FLCN: variants seen among roughly 807,000 people sequenced by gnomAD.
FLCN encodes the protein BHD skin lesion fibrofolliculoma protein.
A neutral mutation model predicts 62.5 loss-of-function variants in FLCN; 22 were observed. That is an observed-to-expected ratio of 0.35 (90% CI 0.25 to 0.50). The LOEUF is 0.50. Ranked by LOEUF, FLCN falls within the 20% of genes least tolerant of loss-of-function variation. The pLI is 0.97. For missense variants in FLCN, 657 were observed against 778.0 expected (o/e 0.84, Z 1.85); for synonymous variants, 319 against 310.0 (o/e 1.03, Z -0.30).
intron 5 of FLCN, 134 bp from the exon 6 acceptor site, chr17:17,224,277 G>C (rs548645669): frequency 2.5e-6 from 2 of 801,932 alleles, no homozygotes; most frequent in East Asian, 5.3e-5. Flanking sequence ...GGCACAGTGG[G>C]GGCCATGAGA....
In FLCN at chr17:17,213,512, C is replaced by T. The variant is rs934434916; in HGVS notation, c.*143G>A. ...ACACAGGCCCCAAACCTGACAGGGC[C>T]GAGCCCAGCCCTGATGGTTTCCCTT... On this transcript the variant is annotated 3_prime_UTR_variant, in exon 14 of 14. Transcript: ENST00000285071. 6.5e-5 allele frequency: 75 copies of T among 1,146,836 alleles called. No individual in the cohort carries two copies. The highest frequency in any genetic ancestry group is 8.7e-5 in the Non-Finnish European group (68 of 783,726). 71.0% of individuals were successfully genotyped at this position (1,146,836 alleles called of 1,614,324 possible). A position where few individuals can be genotyped will look rare whatever the true frequency, so the allele number is the denominator to read the frequency against.
chr17:17,226,399 A>G, intron 4 of FLCN, 77 bp from the exon 5 acceptor site: 1 of 1,570,846 alleles, frequency 6.4e-7, no homozygotes, highest in Non-Finnish European at 8.7e-7. Flanking sequence ...TGCAAATCTG[A>G]GCTCGGAAAA....
chr17:17,222,812 C>T, intron 6 of FLCN, 151 bp from the exon 7 acceptor site: 2 of 834,248 alleles, frequency 2.4e-6, no homozygotes, highest in Non-Finnish European at 4.0e-6. Context: ...TGCCACCAGT[C>T]CAATCATTCC....
At chr17:17,224,326 C>T (rs2144986306) in intron 5 of FLCN, 183 bp from the exon 6 acceptor site, 1 of 633,370 alleles carries the variant, frequency 1.6e-6, no homozygotes, top group Admixed American at 2.5e-5. Flanking sequence ...GATCAAGCTT[C>T]CAACAACACT....
Position 17,213,651 on chromosome 17 carries a change from C to T in FLCN, c.*4G>A, listed in dbSNP as rs770795599. ...CCTGTCTTTAGGCAGGTGTGTGTGA[C>T]GGGTCAGTTCCGAGACTCCGAGGCT... On this transcript the variant is annotated 3_prime_UTR_variant, in exon 14 of 14. Transcript: ENST00000285071. 27 of 1,613,962 alleles carry T rather than the reference C, an allele frequency of 1.7e-5. No individual in the cohort carries two copies. The highest frequency in any genetic ancestry group is 1.2e-4 in the African/African-American group (9 of 74,894).
At chr17:17,217,960 A>C (rs2046974598) in intron 9 of FLCN, among the ~76,000 whole-genome samples, 1 of 152,158 alleles carries the variant, frequency 6.6e-6, no homozygotes, top group South Asian at 2.1e-4. Flanking sequence ...CATCAACATA[A>C]GCAACGGACA....
At position 17,216,655 on chromosome 17, in the gene FLCN, G is replaced by T. The variant is rs1489408362; in HGVS notation, c.1177-152C>A. 1 of 1,230,282 alleles carries T rather than the reference G, an allele frequency of 8.1e-7. No individual in the cohort carries two copies. Among genetic ancestry groups the T allele is most frequent in the Non-Finnish European group, 1.1e-6 (1 of 881,900 alleles). The allele number at this position is 1,230,282 out of a possible 1,614,324, so 76.2% of individuals were successfully genotyped here. A position where few individuals can be genotyped will look rare whatever the true frequency, so the allele number is the denominator to read the frequency against. ...AGTCCCCAGACTCTCAGCCCACAGT[G>T]GGGGTGAGGGGGGAGGGTCCTCCAC... On this transcript the variant is annotated intron_variant, in intron 10 of 13. Transcript: ENST00000285071. This position sits in a 1 kb window ranked among gnomAD's most constrained non-coding sequence, Gnocchi z 4.0.
intron 8 of FLCN, chr17:17,221,016 G>T (rs1442131846): frequency 7.7e-6 from 4 of 518,184 alleles, no homozygotes; most frequent in Non-Finnish European, 1.3e-5. Flanking sequence ...CTGATGGAAA[G>T]CTTGGCCAAG....
rs762000729 is a variant in FLCN at position 17,226,228 on chromosome 17, GGGTGGCTGGGGTGCT to G, written c.329_343del (p.Gln110_His114del). 2 of 1,614,142 alleles carry G rather than the reference GGGTGGCTGGGGTGCT, an allele frequency of 1.2e-6. No homozygotes were observed. Among genetic ancestry groups the G allele is most frequent in the South Asian group, 1.1e-5 (1 of 91,088 alleles). ...CTGGCGGACAATGCTGAAGAGCTGG[GGGTGGCTGGGGTGCT>G]GGTGGCTGACGTATTTAATGGAGGT... On this transcript the variant is annotated inframe_deletion, in exon 5 of 14. Coordinates refer to ENST00000285071, the MANE Select transcript of FLCN (RefSeq NM_144997.7).
chr17:17,223,548 G>C (rs894434937), intron 6 of FLCN, among the ~76,000 whole-genome samples: 2 of 152,244 alleles, frequency 1.3e-5, no homozygotes, highest in African/African-American at 4.8e-5. Context: ...GCACGACCTG[G>C]CCTGGCCTGG....
rs766401197 is a variant in FLCN, at chr17:17,223,929, G to A, written c.611C>T (p.Ala204Val). Residue 204 changes from alanine (A) to valine (V), a missense_variant, in exon 6 of 14, where the codon GCG becomes GTG. Ala to Val is a moderately conservative substitution (Grantham distance 64, BLOSUM62 0). Transcript: ENST00000285071. ...CCTCATCTCTGAATTCACCTTGAGC[G>A]CCTTGCCCTGGAGCTCATCGATGAT... Reference protein sequence around the residue: ...RGIIDELQGKALKVFEAEQFG... With the variant: ...RGIIDELQGKVLKVFEAEQFG... 2.7e-5 allele frequency: 43 copies of A among 1,613,314 alleles called. No homozygotes were observed. Among genetic ancestry groups the A allele is most frequent in the Admixed American group, 6.7e-5 (4 of 60,032 alleles).
chr17:17,228,203 G>A (rs1295645088), intron 3 of FLCN, 42 bp from the exon 4 acceptor site: 3 of 1,584,484 alleles, frequency 1.9e-6, no homozygotes, highest in Admixed American at 1.7e-5. Context: ...AATGCCTATT[G>A]ACTCCATGAA....
At chr17:17,230,478 C>T (rs968660132) in intron 3 of FLCN, among the ~76,000 whole-genome samples, 2 of 151,448 alleles carry the variant, frequency 1.3e-5, no homozygotes, top group African/African-American at 2.4e-5. Context: ...TGCAGTGAGC[C>T]GAGATCGCAC....
chr17:17,221,452 A>G (rs1320888594), intron 8 of FLCN, 85 bp downstream of exon 8: 3 of 1,613,946 alleles, frequency 1.9e-6, no homozygotes, highest in Admixed American at 3.3e-5. Flanking sequence ...TCCCTCCCTC[A>G]GCGATTCCTG....
chr17:17,227,746 G>T (rs2047295302), intron 4 of FLCN, 143 bp downstream of exon 4: 4 of 1,179,488 alleles, frequency 3.4e-6, no homozygotes, highest in African/African-American at 1.5e-5. Flanking sequence ...AAAAGCTACA[G>T]TCAGGATGAG....
At chr17:17,228,327 C>G (rs529727139) in intron 3 of FLCN, 166 bp from the exon 4 acceptor site, 8 of 752,370 alleles carry the variant, frequency 1.1e-5, no homozygotes, top group Non-Finnish European at 1.7e-5. Context: ...TGCCCCAGTG[C>G]GAGAGGAACA....
At chr17:17,223,768 C>G (rs565794826) in intron 6 of FLCN, among the ~76,000 whole-genome samples, 154 bp downstream of exon 6, 1 of 152,360 alleles carries the variant, frequency 6.6e-6, no homozygotes, top group African/African-American at 2.4e-5. Context: ...CTCACGACCT[C>G]CAGCTCTGAA....
intron 13 of FLCN, 129 bp downstream of exon 13, chr17:17,214,856 G>T: frequency 2.0e-6 from 2 of 993,806 alleles, no homozygotes; most frequent in Non-Finnish European, 3.1e-6. Context: ...ACGTGGAGTT[G>T]GAACCCCGCC....
Position 17,212,933 on chromosome 17 carries a change from G to C in FLCN, c.*722C>G, listed in dbSNP as rs937098560. The C allele has an allele frequency of 2.1e-5, 5 of 234,818 alleles. No individual in the cohort carries two copies. Among genetic ancestry groups the C allele is most frequent in the Non-Finnish European group, 3.4e-5 (4 of 119,144 alleles). 14.5% of individuals were successfully genotyped at this position (234,818 alleles called of 1,614,324 possible). On this transcript the variant is annotated 3_prime_UTR_variant, in exon 14 of 14. Coordinates refer to ENST00000285071, the MANE Select transcript of FLCN (RefSeq NM_144997.7). ...AGCATGGCGGGGCTCACCATATCCA[G>C]GGGATTGGGCAAGTCAGATGCTTGC...
Sources: gnomAD v4.1 joint callset for allele counts (sites outside exome capture counted in the v4.1 genomes callset) on GRCh38, gnomAD v4.1.1 for gene constraint, Gnocchi (gnomAD v3.1) non-coding constraint, MANE v1.5 for transcripts, NCBI Gene and HGNC (gene_info 2026-07-23, HGNC 2026-07-21) for gene names.